The following RBM47 variants were observed in gnomAD, a reference collection of about 807,000 sequenced individuals.
The protein encoded by RBM47 is RNA binding motif protein 47, also known as RNA-binding protein 47.
In RBM47, 21 loss-of-function variants were observed where a neutral mutation model predicts 47.1. The observed-to-expected ratio is 0.45, with a 90% confidence interval of 0.32 to 0.64. RBM47 has a LOEUF of 0.64. Among genes scored for constraint, RBM47 ranks in the 30% least tolerant of loss-of-function variants. RBM47 has a pLI of 0.05. For missense variants in RBM47, 708 were observed against 870.9 expected (o/e 0.81, Z 2.35); for synonymous variants, 375 against 361.7 (o/e 1.04, Z -0.42).
rs138788965 is a variant in RBM47 at position 40,552,840 on chromosome 4, G to A, written c.-239-8334C>T. Among the ~76,000 whole-genome samples, 441 of 152,212 alleles carry A rather than the reference G, an allele frequency of 2.9e-3. 1 individual carries two copies. The highest frequency in any genetic ancestry group is 9.7e-3 in the African/African-American group (403 of 41,526). ...TTCTCCTGCCTTGGCACTCACTGTC[G>A]GCCCCACCTGGAATTTCCTTTCCCA... is the stretch of plus-strand genomic sequence containing the variant. On this transcript the variant is annotated intron_variant, in intron 1 of 6. Coordinates refer to ENST00000295971, the MANE Select transcript of RBM47 (RefSeq NM_001098634.2).
At chr4:40,524,178 C>T (rs982457169) in intron 2 of RBM47, among the ~76,000 whole-genome samples, 5 of 152,116 alleles carry the variant, frequency 3.3e-5, no homozygotes, top group African/African-American at 1.2e-4. Flanking sequence ...TATTAAGCAC[C>T]TGCTGTGTAC....
At chr4:40,445,689 A>C (rs1714437938) in intron 3 of RBM47, among the ~76,000 whole-genome samples, 1 of 152,216 alleles carries the variant, frequency 6.6e-6, no homozygotes, top group African/African-American at 2.4e-5. Flanking sequence ...CATACACCTC[A>C]ACATTGTTAA....
intron 1 of RBM47, among the ~76,000 whole-genome samples, chr4:40,575,552 C>CAAAAAA (rs33963787): frequency 3.0e-5 from 3 of 98,366 alleles, no homozygotes; most frequent in South Asian, 3.8e-4. Flanking sequence ...AACTCCATCT[C>CAAAAAA]AAAAAAAAAA....
intron 2 of RBM47, among the ~76,000 whole-genome samples, chr4:40,467,295 C>G (rs1023390210): frequency 6.9e-6 from 1 of 145,334 alleles, no homozygotes; most frequent in African/African-American, 2.5e-5. Context: ...AGGTAAGACT[C>G]TTTTTTTTTT....
chr4:40,551,287 T>A (rs16852326), intron 1 of RBM47, among the ~76,000 whole-genome samples: 31,255 of 152,192 alleles, frequency 0.21, 3,808 homozygotes, highest in African/African-American at 0.35. Flanking sequence ...CTCTGTTTAC[T>A]TTGCTGCTTA....
At chr4:40,621,137 T>TA (rs1405595478) in intron 1 of RBM47, among the ~76,000 whole-genome samples, 1 of 152,194 alleles carries the variant, frequency 6.6e-6, no homozygotes, top group Non-Finnish European at 1.5e-5. Flanking sequence ...GCCTTTTTTT[T>TA]ACTGCAAAGA....
chr4:40,529,900 T>C (rs909621242), intron 2 of RBM47, among the ~76,000 whole-genome samples: 3 of 149,532 alleles, frequency 2.0e-5, no homozygotes, highest in Non-Finnish European at 3.0e-5. Context: ...GTAAATAAAC[T>C]TCACGATGGA....
chr4:40,437,171 T>TATAA (rs1553877846), intron 4 of RBM47, among the ~76,000 whole-genome samples: 1 of 92,362 alleles, frequency 1.1e-5, no homozygotes, highest in South Asian at 3.0e-4. Flanking sequence ...TATATATATA[T>TATAA]AATACATATA....
intron 2 of RBM47, among the ~76,000 whole-genome samples, chr4:40,532,698 G>A (rs563373184): frequency 4.1e-5 from 6 of 146,184 alleles, no homozygotes; most frequent in East Asian, 2.0e-4. Context: ...TGGCCCATAC[G>A]TCAATGTCTT....
At chr4:40,568,949 C>G (rs1731381151) in intron 1 of RBM47, among the ~76,000 whole-genome samples, 2 of 151,284 alleles carry the variant, frequency 1.3e-5, no homozygotes, top group African/African-American at 4.9e-5. Flanking sequence ...CCATTGCACT[C>G]CAGCCTGGGC....
At chr4:40,579,423 GA>G (rs10653342) in intron 1 of RBM47, among the ~76,000 whole-genome samples, 1,193 of 101,964 alleles carry the variant, frequency 0.012, 11 homozygotes, top group Non-Finnish European at 0.017. Context: ...CCCTGTCTCA[GA>G]AAAAAAAAAA....
In RBM47 at chr4:40,426,142, C is replaced by T. The variant is rs1262199322; in HGVS notation, c.1544G>A (p.Gly515Asp). 2 of 1,613,310 alleles carry T rather than the reference C, an allele frequency of 1.2e-6. No homozygotes were observed. Residue 515 changes from glycine (G) to aspartate (D), a missense_variant and splice_region_variant, in exon 7 of 7, where the codon GGC becomes GAC. Coordinates refer to ENST00000295971, the MANE Select transcript of RBM47 (RefSeq NM_001098634.2). ...PTVSTPPPFQ[G>D]RPITPVYTVA... The stretch of plus-strand genomic sequence containing the variant: ...CGTGTATACTGGAGTTATTGGGCGG[C>T]CCTGAGGAGAAGAGACAAAAAGGAG...
chr4:40,523,362 C>T (rs565975041), intron 2 of RBM47, among the ~76,000 whole-genome samples: 2 of 151,930 alleles, frequency 1.3e-5, no homozygotes, highest in Non-Finnish European at 2.9e-5. Context: ...CAAGATCAGC[C>T]ATGGTAGGCC....
chr4:40,438,948 A>T, intron 3 of RBM47, 24 bp from the exon 4 acceptor site: 2 of 1,470,162 alleles, frequency 1.4e-6, no homozygotes, highest in Non-Finnish European at 1.8e-6. Context: ...AAGAAGCGTG[A>T]GTGGGGAACC....
intron 1 of RBM47, among the ~76,000 whole-genome samples, chr4:40,610,536 GGCGGTGGAGCTTGCA>G (rs1341865061): frequency 1.3e-5 from 2 of 151,298 alleles, no homozygotes; most frequent in African/African-American, 4.9e-5. Context: ...CGTGAACCCG[GGCGGTGGAGCTTGCA>G]GTGAGCCGAG....
intron 3 of RBM47, among the ~76,000 whole-genome samples, chr4:40,456,571 C>CTTTTTTTTTT (rs34320480): frequency 8.0e-5 from 9 of 112,576 alleles, no homozygotes; most frequent in South Asian, 2.7e-4. Context: ...TTTCTTTTTT[C>CTTTTTTTTTT]TTTTTTTTTT....
intron 2 of RBM47, among the ~76,000 whole-genome samples, chr4:40,528,035 A>T (rs1233353092): frequency 2.0e-5 from 3 of 152,210 alleles, no homozygotes; most frequent in African/African-American, 7.2e-5. Flanking sequence ...TTCAACAAAT[A>T]CTTACGAAGT....
At chr4:40,529,569 C>T (rs1045756731) in intron 2 of RBM47, among the ~76,000 whole-genome samples, 20 of 137,350 alleles carry the variant, frequency 1.5e-4, no homozygotes, top group Non-Finnish European at 2.6e-4. Flanking sequence ...CATGGTGGCT[C>T]ACACCTGTAA....
At chr4:40,601,244 C>A (rs1735259204) in intron 1 of RBM47, among the ~76,000 whole-genome samples, 1 of 152,126 alleles carries the variant, frequency 6.6e-6, no homozygotes, top group Non-Finnish European at 1.5e-5. Context: ...TCTACTTGCT[C>A]AACTGTAAAA....
Sources: allele counts gnomAD v4.1 joint callset (sites outside exome capture counted in the v4.1 genomes callset), GRCh38; gene constraint gnomAD v4.1.1; transcripts MANE v1.5; gene names NCBI Gene and HGNC (gene_info 2026-07-23, HGNC 2026-07-21).